Variants in CGGBP1 observed in about 807,000 individuals in gnomAD.
CGGBP1 encodes the protein CGG triplet repeat binding protein 1, also known as CGG triplet repeat-binding protein 1.
In CGGBP1, 4 loss-of-function variants were observed where a neutral mutation model predicts 11.4. The ratio of observed to expected loss-of-function variants is 0.35; its 90% CI spans 0.17 to 0.80. The LOEUF (loss-of-function observed/expected upper bound fraction) is 0.80. Ranked by LOEUF, CGGBP1 falls within the 30% of genes least tolerant of loss-of-function variation. The probability of loss-of-function intolerance (pLI) is 0.52; values close to 1 mark genes in which losing one functional copy is unlikely to be tolerated. For synonymous variants in CGGBP1, 76 were observed against 74.1 expected, an observed-to-expected ratio of 1.03 and a Z score of -0.13; for missense variants, 135 against 202.1, an observed-to-expected ratio of 0.67 and a Z score of 2.01.
intron 2 of CGGBP1, among the ~76,000 whole-genome samples, chr3:88,070,401 C>G (rs1198932509): frequency 6.6e-6 from 1 of 151,484 alleles, no homozygotes; most frequent in African/African-American, 2.4e-5. Flanking sequence ...GTTTTATTTG[C>G]ATTTTCTTGG....
intron 2 of CGGBP1, among the ~76,000 whole-genome samples, chr3:88,111,741 C>T (rs1374253977): frequency 1.3e-5 from 2 of 151,918 alleles, no homozygotes; most frequent in South Asian, 2.1e-4. Flanking sequence ...GGTATGTGTA[C>T]ATTTTAAATT....
intron 2 of CGGBP1, among the ~76,000 whole-genome samples, chr3:88,064,309 A>G (rs1435067930): frequency 1.3e-5 from 2 of 152,156 alleles, no homozygotes; most frequent in Non-Finnish European, 1.5e-5. Flanking sequence ...GATAGGGACT[A>G]TCTTACTGTC....
At chr3:88,122,429 A>G (rs1028740357) in intron 2 of CGGBP1, among the ~76,000 whole-genome samples, 5 of 152,210 alleles carry the variant, frequency 3.3e-5, no homozygotes, top group Non-Finnish European at 5.9e-5. Flanking sequence ...ACTGATCCAT[A>G]GCTTCACAGA....
intron 2 of CGGBP1, among the ~76,000 whole-genome samples, chr3:88,104,021 G>A (rs1245736457): frequency 6.6e-6 from 1 of 151,820 alleles, no homozygotes; most frequent in Non-Finnish European, 1.5e-5. Flanking sequence ...CTCGGCCTCT[G>A]CTGGGATTAC....
At chr3:88,076,948 G>A (rs1219258299) in intron 2 of CGGBP1, among the ~76,000 whole-genome samples, 3 of 152,138 alleles carry the variant, frequency 2.0e-5, no homozygotes, top group South Asian at 2.1e-4. Context: ...ATGAGAACCA[G>A]ACCAATACAT....
At chr3:88,142,676 TTATTC>T (rs1707189881) in intron 1 of CGGBP1, 2 of 152,364 alleles carry the variant, frequency 1.3e-5, no homozygotes, top group Non-Finnish European at 2.9e-5. Context: ...ATCATTCATT[TTATTC>T]TATTAGGAGA....
Position 88,055,699 on chromosome 3 carries a change from T to C in CGGBP1, c.278A>G (p.Asn93Ser), listed in dbSNP as rs1398690425. ...QRPLTASLQCNSTAQTEKVSV... is the reference protein window; with the variant it reads ...QRPLTASLQCSSTAQTEKVSV... ...GACTTTCTCTGTTTGCGCAGTACTG[T>C]TGCACTGAAGAGATGCAGTTAGGGG... Residue 93 changes from asparagine to serine, a missense_variant, in exon 4 of 4, where the codon AAC (asparagine) becomes AGC (serine). By Grantham distance (46) the Asn-to-Ser change is conservative (BLOSUM62 1). Transcript: ENST00000482016. This position sits in a 1 kb window ranked among gnomAD's most constrained non-coding sequence, Gnocchi z 4.2. 3 of 1,614,096 alleles carry C rather than the reference T, an allele frequency of 1.9e-6. No individual in the cohort carries two copies. Among genetic ancestry groups the C allele is most frequent in the South Asian group, 2.2e-5 (2 of 91,092 alleles).
chr3:88,091,240 A>G (rs1414411419), intron 2 of CGGBP1, among the ~76,000 whole-genome samples: 2 of 152,248 alleles, frequency 1.3e-5, no homozygotes, highest in South Asian at 2.1e-4. Context: ...TCAGAACCAC[A>G]GAAGTGTTGG....
intron 2 of CGGBP1, among the ~76,000 whole-genome samples, chr3:88,089,558 A>AT (rs915962005): frequency 2.6e-5 from 4 of 152,034 alleles, no homozygotes; most frequent in African/African-American, 9.7e-5. Context: ...TAGTTTCAGG[A>AT]TTTTCTGAAT....
intron 2 of CGGBP1, among the ~76,000 whole-genome samples, chr3:88,081,573 T>C (rs1255026813): frequency 6.6e-6 from 1 of 152,226 alleles, no homozygotes; most frequent in Non-Finnish European, 1.5e-5. Flanking sequence ...TGGACTTACA[T>C]ATATTTAATT....
At chr3:88,119,464 C>T (rs1337376610) in intron 2 of CGGBP1, among the ~76,000 whole-genome samples, 39 of 146,664 alleles carry the variant, frequency 2.7e-4, no homozygotes, top group Admixed American at 1.3e-3. Context: ...AGTGGGTGTG[C>T]GCACCAGCAT....
intron 2 of CGGBP1, among the ~76,000 whole-genome samples, chr3:88,066,587 A>C (rs28751575): frequency 0.93 from 141,589 of 151,460 alleles, 66,756 homozygotes; most frequent in Non-Finnish European, 1. Flanking sequence ...AACAAAAAAA[A>C]CAAAAAAACC....
chr3:88,139,034 A>G, intron 2 of CGGBP1: 1 of 1,242,798 alleles, frequency 8.0e-7, no homozygotes, highest in Non-Finnish European at 1.0e-6. Flanking sequence ...GGAACTTCGT[A>G]ATGATTAAGA....
intron 2 of CGGBP1, among the ~76,000 whole-genome samples, chr3:88,094,474 C>T (rs1703938247): frequency 6.6e-6 from 1 of 151,986 alleles, no homozygotes; most frequent in Non-Finnish European, 1.5e-5. Flanking sequence ...TACCCTGTTC[C>T]CACCTACATT....
chr3:88,090,357 A>C (rs1424696676), intron 2 of CGGBP1, among the ~76,000 whole-genome samples: 1 of 152,174 alleles, frequency 6.6e-6, no homozygotes, highest in East Asian at 1.9e-4. Context: ...TATGTGACTT[A>C]GTTTTTAACA....
intron 2 of CGGBP1, among the ~76,000 whole-genome samples, chr3:88,087,750 A>G (rs1424742035): frequency 6.6e-6 from 1 of 151,834 alleles, no homozygotes; most frequent in Non-Finnish European, 1.5e-5. Flanking sequence ...TATGTGAAAC[A>G]TTTATTTAGG....
chr3:88,065,235 A>G (rs1484544619), intron 2 of CGGBP1, among the ~76,000 whole-genome samples: 2 of 152,096 alleles, frequency 1.3e-5, no homozygotes, highest in African/African-American at 4.8e-5. Context: ...AAACAAATGA[A>G]CCTTAGATGT....
intron 2 of CGGBP1, among the ~76,000 whole-genome samples, chr3:88,110,754 A>G (rs143842832): frequency 1.4e-3 from 206 of 152,272 alleles, no homozygotes; most frequent in African/African-American, 4.8e-3. Context: ...AGGAAATACA[A>G]CAGGTTGGAA....
At chr3:88,128,329 G>A (rs1213662735) in intron 2 of CGGBP1, among the ~76,000 whole-genome samples, 1 of 151,876 alleles carries the variant, frequency 6.6e-6, no homozygotes, top group East Asian at 1.9e-4. Context: ...TATTTTTCTT[G>A]TGATTCAACT....
Sources: gnomAD v4.1 joint callset for allele counts (sites outside exome capture counted in the v4.1 genomes callset) on GRCh38, gnomAD v4.1.1 for gene constraint, Gnocchi (gnomAD v3.1) non-coding constraint, MANE v1.5 for transcripts, NCBI Gene and HGNC (gene_info 2026-07-23, HGNC 2026-07-21) for gene names.